Variants in THSD4 observed in about 807,000 individuals in gnomAD.
THSD4 encodes the protein thrombospondin type-1 domain-containing protein 4.
Under a neutral mutation model 119.0 loss-of-function variants are expected in THSD4, and 69 were observed. The observed-to-expected ratio is 0.58, with a 90% confidence interval of 0.48 to 0.71. THSD4 has a LOEUF of 0.71. THSD4 is among the 30% of genes least tolerant of loss of function. The pLI is 0.00. For synonymous variants in THSD4, 524 were observed against 540.4 expected, an observed-to-expected ratio of 0.97 and a Z score of 0.42; for missense variants, 1,393 against 1,391.1, an observed-to-expected ratio of 1.00 and a Z score of -0.02.
At chr15:71,211,272 A>G (rs1264717830) in intron 3 of THSD4, among the ~76,000 whole-genome samples, 1 of 152,200 alleles carries the variant, frequency 6.6e-6, no homozygotes, top group African/African-American at 2.4e-5. Flanking sequence ...GAGCAGCTAT[A>G]ATAAACCATA....
intron 4 of THSD4, among the ~76,000 whole-genome samples, chr15:71,240,244 C>T (rs2044140309): frequency 6.6e-6 from 1 of 152,308 alleles, no homozygotes; most frequent in Non-Finnish European, 1.5e-5. Context: ...TTTGGTTCAT[C>T]AGTGCTGAGT....
chr15:71,309,392 A>G (rs1172359912), intron 6 of THSD4, among the ~76,000 whole-genome samples: 1 of 152,212 alleles, frequency 6.6e-6, no homozygotes, highest in Non-Finnish European at 1.5e-5. Context: ...TTCTTTATAT[A>G]TTCTGAATAC....
rs1480475091 is a variant in THSD4 at position 71,775,882 on chromosome 15, G to A, written c.2915-1350G>A. On this transcript the variant is annotated intron_variant, in intron 17 of 17. Transcript: ENST00000261862. ...ATGGATAAAAAAAGCAAGGAGAGCAGAATAGGCCAGAAATACACATATAAA... is the reference window on the plus strand; with the variant it reads ...ATGGATAAAAAAAGCAAGGAGAGCAAAATAGGCCAGAAATACACATATAAA... Among the ~76,000 whole-genome samples, 5 of 152,260 alleles carry A rather than the reference G, an allele frequency of 3.3e-5. No homozygotes were observed. The East Asian group carries it at 7.7e-4, about 23-fold the overall frequency.
At chr15:71,407,857 G>A (rs1396674589) in intron 6 of THSD4, among the ~76,000 whole-genome samples, 1 of 152,142 alleles carries the variant, frequency 6.6e-6, no homozygotes, top group Non-Finnish European at 1.5e-5. Context: ...TCTGGGGTGA[G>A]GCCCAAGAAT....
intron 6 of THSD4, among the ~76,000 whole-genome samples, chr15:71,295,266 G>T (rs2044847788): frequency 6.6e-6 from 1 of 152,170 alleles, no homozygotes; most frequent in African/African-American, 2.4e-5. Context: ...AGGAAGTGAA[G>T]TGACTGGCCC....
intron 4 of THSD4, among the ~76,000 whole-genome samples, chr15:71,231,889 TAAG>T (rs2044064427): frequency 6.6e-6 from 1 of 152,242 alleles, no homozygotes; most frequent in Non-Finnish European, 1.5e-5. Flanking sequence ...TTAGAACTTC[TAAG>T]AAGACATCTG....
At chr15:71,472,796 T>C (rs138099344) in intron 7 of THSD4, among the ~76,000 whole-genome samples, 9 of 152,272 alleles carry the variant, frequency 5.9e-5, no homozygotes, top group South Asian at 2.1e-4. Flanking sequence ...GTCATCTTAA[T>C]TGAAACTGTG....
intron 7 of THSD4, among the ~76,000 whole-genome samples, chr15:71,536,230 G>A (rs1595866089): frequency 6.6e-6 from 1 of 152,156 alleles, no homozygotes. Flanking sequence ...CCTTGTGGAG[G>A]CTTTAGGAAA....
At chr15:71,637,607 G>A (rs1010155132) in intron 7 of THSD4, among the ~76,000 whole-genome samples, 1 of 152,216 alleles carries the variant, frequency 6.6e-6, no homozygotes, top group Admixed American at 6.5e-5. Context: ...TTATGTGGAA[G>A]TGGGACCAGC....
At chr15:71,440,861 C>T (rs1361304020) in intron 7 of THSD4, among the ~76,000 whole-genome samples, 1 of 152,172 alleles carries the variant, frequency 6.6e-6, no homozygotes, top group Non-Finnish European at 1.5e-5. Context: ...TTGATGATAA[C>T]ATCAAGAACT....
intron 3 of THSD4, among the ~76,000 whole-genome samples, chr15:71,209,282 C>G (rs1255749745): frequency 2.0e-5 from 3 of 152,200 alleles, no homozygotes; most frequent in Admixed American, 6.5e-5. Flanking sequence ...CCAAGTAATA[C>G]TAGCAGATTC....
intron 8 of THSD4, among the ~76,000 whole-genome samples, chr15:71,683,648 A>G (rs915337447): frequency 6.6e-6 from 1 of 152,182 alleles, no homozygotes; most frequent in Admixed American, 6.5e-5. Flanking sequence ...TATTAGATCT[A>G]TAAATTCATT....
intron 1 of THSD4, among the ~76,000 whole-genome samples, chr15:71,108,056 C>T (rs1450025591): frequency 6.6e-6 from 1 of 152,224 alleles, no homozygotes; most frequent in Non-Finnish European, 1.5e-5. Flanking sequence ...GGCTCCTCTG[C>T]CTCCTCTGAT....
At chr15:71,360,122 A>T (rs1003090098) in intron 6 of THSD4, among the ~76,000 whole-genome samples, 4 of 152,132 alleles carry the variant, frequency 2.6e-5, no homozygotes, top group African/African-American at 4.8e-5. Flanking sequence ...TTCTTGGCTC[A>T]CTTATCTGGC....
chr15:71,442,861 T>G (rs984654498), intron 7 of THSD4, among the ~76,000 whole-genome samples: 4 of 150,376 alleles, frequency 2.7e-5, no homozygotes, highest in Non-Finnish European at 5.9e-5. Context: ...TAGAGCAATC[T>G]CTGATTCTGG....
At chr15:71,508,442 C>G (rs1037696027) in intron 7 of THSD4, among the ~76,000 whole-genome samples, 3 of 152,162 alleles carry the variant, frequency 2.0e-5, no homozygotes, top group Non-Finnish European at 4.4e-5. Flanking sequence ...CCAGATCCTC[C>G]CTACCCAGTT....
chr15:71,386,566 A>C (rs2046295857), intron 6 of THSD4, among the ~76,000 whole-genome samples: 1 of 152,248 alleles, frequency 6.6e-6, no homozygotes, highest in African/African-American at 2.4e-5. Context: ...TGAATTAGAC[A>C]TAAATTTATA....
rs537739805 is a variant in THSD4 at position 71,425,826 on chromosome 15, G to C, written c.1152+14003G>C. On this transcript the variant is annotated intron_variant, in intron 7 of 17. Coordinates refer to ENST00000261862, the MANE Select transcript of THSD4 (RefSeq NM_024817.3). ...GTTTTCTCATTTGGGACCTGGGATAGGCAGTTGAGTGCAGATGAAACAAGG... is the reference window on the plus strand; with the variant it reads ...GTTTTCTCATTTGGGACCTGGGATACGCAGTTGAGTGCAGATGAAACAAGG... Among the ~76,000 whole-genome samples, 43 of 152,300 alleles carry C rather than the reference G, an allele frequency of 2.8e-4. 1 individual carries two copies. In the South Asian group the frequency reaches 4.6e-3, roughly 16 times the overall value.
At chr15:71,478,795 CAT>C (rs1162979853) in intron 7 of THSD4, among the ~76,000 whole-genome samples, 1 of 152,204 alleles carries the variant, frequency 6.6e-6, no homozygotes, top group Non-Finnish European at 1.5e-5. Flanking sequence ...GGACGAGAAT[CAT>C]ATGAGCCTTT....
Sources: allele counts gnomAD v4.1 joint callset (sites outside exome capture counted in the v4.1 genomes callset), GRCh38; gene constraint gnomAD v4.1.1; transcripts MANE v1.5; gene names NCBI Gene and HGNC (gene_info 2026-07-23, HGNC 2026-07-21).